The following CPQ variants were observed in gnomAD, a reference collection of about 807,000 sequenced individuals.
CPQ encodes carboxypeptidase Q.
A neutral mutation model predicts 45.7 loss-of-function variants in CPQ; 37 were observed. That is an observed-to-expected ratio of 0.81 (90% confidence interval 0.62 to 1.07). The LOEUF (loss-of-function observed/expected upper bound fraction) is 1.07, where lower values mean the gene tolerates loss of function less well. Ranked by LOEUF, CPQ falls within the 50% of genes least tolerant of loss-of-function variation. The pLI, the probability that CPQ is intolerant of heterozygous loss-of-function variation, is 0.00. For synonymous variants in CPQ, 186 were observed against 205.8 expected (o/e 0.90, Z 0.82); for missense variants, 537 against 572.9 (o/e 0.94, Z 0.64).
chr8:96,714,359 G>C (rs1809649394), intron 1 of CPQ, among the ~76,000 whole-genome samples: 1 of 151,636 alleles, frequency 6.6e-6, no homozygotes, highest in African/African-American at 2.4e-5. Flanking sequence ...TTCTATTTTT[G>C]TCTGATTGGG....
At chr8:97,043,397 G>C (rs974201407) in intron 6 of CPQ, among the ~76,000 whole-genome samples, 1 of 151,870 alleles carries the variant, frequency 6.6e-6, no homozygotes, top group African/African-American at 2.4e-5. Flanking sequence ...CGTGAGATGG[G>C]TTTCCTGAAT....
At chr8:96,760,349 T>G (rs1374513742) in intron 1 of CPQ, among the ~76,000 whole-genome samples, 2 of 152,172 alleles carry the variant, frequency 1.3e-5, no homozygotes, top group Non-Finnish European at 2.9e-5. Flanking sequence ...ATTTCCACTT[T>G]ATGGAGGAGG....
At chr8:96,990,662 A>G (rs563414750) in intron 5 of CPQ, among the ~76,000 whole-genome samples, 1 of 152,270 alleles carries the variant, frequency 6.6e-6, no homozygotes, top group East Asian at 1.9e-4. Context: ...GATAATTCCT[A>G]TCATTGTTGG....
chr8:96,811,756 G>A (rs538849433), intron 2 of CPQ, among the ~76,000 whole-genome samples: 2 of 151,932 alleles, frequency 1.3e-5, no homozygotes, highest in South Asian at 4.2e-4. Context: ...ATATGCCAAG[G>A]GCCAATAACT....
intron 3 of CPQ, among the ~76,000 whole-genome samples, chr8:96,835,536 A>C (rs181547806): frequency 1.3e-5 from 2 of 152,208 alleles, no homozygotes; most frequent in Non-Finnish European, 2.9e-5. Context: ...AGAGGGAGCC[A>C]GCCTGTTTTC....
intron 7 of CPQ, among the ~76,000 whole-genome samples, chr8:97,121,072 T>C (rs1479001615): frequency 2.0e-5 from 3 of 152,174 alleles, no homozygotes; most frequent in Non-Finnish European, 4.4e-5. Flanking sequence ...TTGGAGTCAA[T>C]ATTCAAACTC....
chr8:96,930,620 TC>T (rs777306914), intron 4 of CPQ, among the ~76,000 whole-genome samples: 82 of 152,200 alleles, frequency 5.4e-4, no homozygotes, highest in Non-Finnish European at 1.1e-3. Flanking sequence ...AAGACTTCGT[TC>T]CTCTTCTGGT....
intron 7 of CPQ, among the ~76,000 whole-genome samples, chr8:97,113,264 G>C (rs1811527544): frequency 6.6e-6 from 1 of 152,166 alleles, no homozygotes; most frequent in Non-Finnish European, 1.5e-5. Context: ...TGTCGCCCAG[G>C]CTGGAACCTC....
chr8:97,036,906 A>C (rs917933096), intron 6 of CPQ, among the ~76,000 whole-genome samples: 1 of 152,182 alleles, frequency 6.6e-6, no homozygotes, highest in African/African-American at 2.4e-5. Flanking sequence ...AGGGATAATG[A>C]ACACTGTTGT....
At chr8:96,682,090 T>G (rs1809159974) in intron 1 of CPQ, among the ~76,000 whole-genome samples, 1 of 152,082 alleles carries the variant, frequency 6.6e-6, no homozygotes, top group South Asian at 2.1e-4. Context: ...AATGCTGAAA[T>G]GAGTTAAGAT....
chr8:96,993,770 ACATT>A (rs1809133675), intron 5 of CPQ, among the ~76,000 whole-genome samples: 2 of 152,288 alleles, frequency 1.3e-5, no homozygotes, highest in East Asian at 1.9e-4. Flanking sequence ...TCAAGTTAAT[ACATT>A]CAGGTATCAT....
chr8:96,723,887 A>G (rs1385618601), intron 1 of CPQ, among the ~76,000 whole-genome samples: 2 of 152,132 alleles, frequency 1.3e-5, no homozygotes, highest in Non-Finnish European at 2.9e-5. Flanking sequence ...CTACCAATTT[A>G]CATCAAACTA....
At position 96,829,637 on chromosome 8, in the gene CPQ, T is replaced by A. The variant is rs374775791; in HGVS notation, c.434-5336T>A. Among the ~76,000 whole-genome samples the A allele has an allele frequency of 8.5e-5, 13 of 152,130 alleles. No individual in the cohort carries two copies. The East Asian group carries it at 1.7e-3, about 20-fold the overall frequency. The stretch of plus-strand genomic sequence containing the variant: ...TTCTCTACCTGAAAATGTCCTTCCC[T>A]CATTTTCAGGCTACTGAAATCTTCT... On this transcript the variant is annotated intron_variant, in intron 2 of 7. Coordinates refer to ENST00000220763, the MANE Select transcript of CPQ (RefSeq NM_016134.4).
chr8:96,981,143 G>A (rs1309175038), intron 5 of CPQ, among the ~76,000 whole-genome samples: 1 of 151,888 alleles, frequency 6.6e-6, no homozygotes, highest in African/African-American at 2.4e-5. Context: ...TTTACCCTGG[G>A]GCCTGAATTT....
At chr8:97,036,371 A>G (rs1480168050) in intron 6 of CPQ, among the ~76,000 whole-genome samples, 7 of 152,234 alleles carry the variant, frequency 4.6e-5, no homozygotes, top group Non-Finnish European at 8.8e-5. Flanking sequence ...ATTTTTTAAA[A>G]ATATGAACTC....
At chr8:96,946,311 G>C (rs1813187519) in intron 4 of CPQ, among the ~76,000 whole-genome samples, 1 of 151,952 alleles carries the variant, frequency 6.6e-6, no homozygotes, top group African/African-American at 2.4e-5. Context: ...AATAATTCTA[G>C]AAAATAATTG....
At chr8:96,727,272 A>G (rs980683414) in intron 1 of CPQ, among the ~76,000 whole-genome samples, 2 of 152,198 alleles carry the variant, frequency 1.3e-5, no homozygotes, top group African/African-American at 4.8e-5. Flanking sequence ...TGAAAGAGCA[A>G]GCAGCTATTT....
At chr8:96,879,119 C>CA (rs1812186191) in intron 3 of CPQ, among the ~76,000 whole-genome samples, 1 of 152,172 alleles carries the variant, frequency 6.6e-6, no homozygotes, top group African/African-American at 2.4e-5. Flanking sequence ...TAAGAAGCAT[C>CA]TAGAAATTAA....
intron 4 of CPQ, among the ~76,000 whole-genome samples, chr8:96,893,091 ACGAAGG>A (rs1812398537): frequency 6.6e-6 from 1 of 152,188 alleles, no homozygotes; most frequent in African/African-American, 2.4e-5. Flanking sequence ...AGATGAAGAA[ACGAAGG>A]CTTAGAGAGG....
Sources: gnomAD v4.1 joint callset for allele counts (sites outside exome capture counted in the v4.1 genomes callset) on GRCh38, gnomAD v4.1.1 for gene constraint, MANE v1.5 for transcripts, NCBI Gene and HGNC (gene_info 2026-07-23, HGNC 2026-07-21) for gene names.